ZNF438: variants seen among roughly 807,000 people sequenced by gnomAD.
The protein encoded by ZNF438 is zinc finger protein 438.
Under a neutral mutation model 38.0 loss-of-function variants are expected in ZNF438, and 25 were observed. The observed-to-expected ratio is 0.66, with a 90% CI of 0.48 to 0.92. The LOEUF (loss-of-function observed/expected upper bound fraction) is 0.92, where lower values mean the gene tolerates loss of function less well. Ranked by LOEUF, ZNF438 falls within the 40% of genes least tolerant of loss-of-function variation. ZNF438 has a pLI of 0.00. For synonymous variants in ZNF438, 372 were observed against 364.1 expected (o/e 1.02, Z -0.25); for missense variants, 1,007 against 999.6 (o/e 1.01, Z -0.10).
At chr10:30,961,194 A>G (rs2049429038) in intron 1 of ZNF438, among the ~76,000 whole-genome samples, 1 of 144,418 alleles carries the variant, frequency 6.9e-6, no homozygotes, top group African/African-American at 2.4e-5. Flanking sequence ...ATATGTAACT[A>G]ACCTGCACAA....
intron 1 of ZNF438, among the ~76,000 whole-genome samples, chr10:30,948,084 C>T (rs989809390): frequency 9.2e-5 from 14 of 152,154 alleles, no homozygotes; most frequent in African/African-American, 3.4e-4. Context: ...CAAGTGGGTC[C>T]CTGACCCCTG....
chr10:30,908,434 C>G (rs1222505926), intron 3 of ZNF438, among the ~76,000 whole-genome samples: 1 of 152,152 alleles, frequency 6.6e-6, no homozygotes, highest in Non-Finnish European at 1.5e-5. Context: ...CTGGTGTTTT[C>G]AAGAGGGTGC....
chr10:30,849,554 A>G, exon 5 of ZNF438: 1 of 1,614,208 alleles, frequency 6.2e-7, no homozygotes, highest in Non-Finnish European at 8.5e-7. Flanking sequence ...GACTGAAGAG[A>G]TCAACTGAAC....
chr10:30,901,060 T>G (rs1353207611), intron 3 of ZNF438, among the ~76,000 whole-genome samples: 1 of 152,216 alleles, frequency 6.6e-6, no homozygotes, highest in Non-Finnish European at 1.5e-5. Context: ...TGTTTGGTAT[T>G]TGCAGATTTA....
chr10:30,882,806 A>T (rs183576923), intron 3 of ZNF438, among the ~76,000 whole-genome samples: 2 of 152,206 alleles, frequency 1.3e-5, no homozygotes, highest in Admixed American at 1.3e-4. Context: ...GTATATACGT[A>T]TATCAAAATT....
chr10:30,981,144 T>C (rs987105431), intron 1 of ZNF438, among the ~76,000 whole-genome samples: 4 of 152,190 alleles, frequency 2.6e-5, no homozygotes, highest in Admixed American at 2.0e-4. Context: ...TCTTGGCATA[T>C]GATCAACGAA....
intron 1 of ZNF438, among the ~76,000 whole-genome samples, chr10:30,966,253 C>T (rs2050104077): frequency 6.6e-6 from 1 of 151,856 alleles, no homozygotes; most frequent in South Asian, 2.1e-4. Flanking sequence ...GCACTTGAGC[C>T]CAGGAGTTTG....
rs367653295 is a variant in ZNF438, at chr10:30,917,202, C to T, written c.-114-8187G>A. 3.2e-4 allele frequency among the ~76,000 whole-genome samples: 48 copies of T among 152,190 alleles called. 1 individual carries two copies. The highest frequency in any genetic ancestry group is 1.1e-3 in the African/African-American group (45 of 41,560). ...CCTCACAGATAATTTGCCAGTGTTT[C>T]ATTTTATGAATAACCACAGTCTGTT... is the stretch of plus-strand genomic sequence containing the variant. On this transcript the variant is annotated intron_variant, in intron 2 of 5. Coordinates refer to ENST00000413025, the Ensembl canonical transcript of ZNF438.
At chr10:30,964,306 TCA>T (rs1352052194) in intron 1 of ZNF438, among the ~76,000 whole-genome samples, 1 of 152,214 alleles carries the variant, frequency 6.6e-6, no homozygotes, top group Non-Finnish European at 1.5e-5. Context: ...AAATCTTTGA[TCA>T]CTCTCTAATT....
chr10:30,935,958 G>A (rs2046210126), intron 2 of ZNF438, among the ~76,000 whole-genome samples: 1 of 152,156 alleles, frequency 6.6e-6, no homozygotes, highest in African/African-American at 2.4e-5. Flanking sequence ...TGAGATTTGG[G>A]TGGGGACACA....
intron 1 of ZNF438, among the ~76,000 whole-genome samples, chr10:30,973,063 G>A (rs2050921805): frequency 1.3e-5 from 2 of 151,982 alleles, no homozygotes; most frequent in South Asian, 4.1e-4. Flanking sequence ...TTAATATAAA[G>A]CAGCTATACC....
chr10:30,972,193 T>C (rs2050819601), intron 1 of ZNF438, among the ~76,000 whole-genome samples: 1 of 152,102 alleles, frequency 6.6e-6, no homozygotes, highest in South Asian at 2.1e-4. Flanking sequence ...ATGGTCTCAA[T>C]CTCCTTACCT....
At chr10:31,023,032 G>A (rs2056711791) in intron 1 of ZNF438, among the ~76,000 whole-genome samples, 2 of 152,216 alleles carry the variant, frequency 1.3e-5, no homozygotes, top group South Asian at 4.1e-4. Flanking sequence ...GTCCAAAACC[G>A]CAATTACTTT....
At chr10:30,977,414 G>T (rs1336881744) in intron 1 of ZNF438, among the ~76,000 whole-genome samples, 1 of 152,146 alleles carries the variant, frequency 6.6e-6, no homozygotes, top group Non-Finnish European at 1.5e-5. Context: ...ATCATCTGTG[G>T]ACCCAGGCTG....
At chr10:30,928,417 G>C (rs1343363223) in intron 2 of ZNF438, among the ~76,000 whole-genome samples, 1 of 151,966 alleles carries the variant, frequency 6.6e-6, no homozygotes, top group African/African-American at 2.4e-5. Flanking sequence ...TGACGAAAGG[G>C]AAGACAAAAA....
At chr10:30,880,444 A>G (rs1004303298) in intron 3 of ZNF438, among the ~76,000 whole-genome samples, 9 of 150,204 alleles carry the variant, frequency 6.0e-5, no homozygotes, top group African/African-American at 1.5e-4. Context: ...AAAAAAAAAA[A>G]AAAGAAAAAG....
upstream of ZNF438, among the ~76,000 whole-genome samples, chr10:31,032,205 G>T (rs2642187): frequency 3.3e-5 from 5 of 152,040 alleles, no homozygotes; most frequent in Non-Finnish European, 5.9e-5. Flanking sequence ...GTCGCCCTGG[G>T]GGCTGGAGTA....
chr10:30,905,611 A>G (rs2042502455), intron 3 of ZNF438, among the ~76,000 whole-genome samples: 1 of 152,146 alleles, frequency 6.6e-6, no homozygotes, highest in Admixed American at 6.5e-5. Flanking sequence ...ATTTTAGTGT[A>G]GTCCATCTTA....
chr10:30,866,694 C>A (rs189175027), intron 4 of ZNF438, among the ~76,000 whole-genome samples: 3 of 151,950 alleles, frequency 2.0e-5, no homozygotes, highest in East Asian at 1.9e-4. Flanking sequence ...ATTAGCCGAG[C>A]GTGGTGACAG....
Sources: gnomAD v4.1 joint callset for allele counts (sites outside exome capture counted in the v4.1 genomes callset) on GRCh38, gnomAD v4.1.1 for gene constraint, MANE v1.5 for transcripts, NCBI Gene and HGNC (gene_info 2026-07-23, HGNC 2026-07-21) for gene names.